Variants in TACC1 observed in about 807,000 individuals in gnomAD.
The protein encoded by TACC1 is transforming acidic coiled-coil-containing protein 1.
TACC1 carries 48 observed loss-of-function variants against 84.4 expected under a neutral mutation model. That is an observed-to-expected ratio of 0.57 (90% CI 0.45 to 0.72). The LOEUF is 0.72. Among genes scored for constraint, TACC1 ranks in the 30% least tolerant of loss-of-function variants. The pLI, the probability that TACC1 is intolerant of heterozygous loss-of-function variation, is 0.00. For synonymous variants in TACC1, 372 were observed against 376.3 expected, an observed-to-expected ratio of 0.99 and a Z score of 0.13; for missense variants, 920 against 973.0, an observed-to-expected ratio of 0.95 and a Z score of 0.72.
intron 2 of TACC1, among the ~76,000 whole-genome samples, chr8:38,799,366 GC>G (rs1279184983): frequency 1.3e-5 from 2 of 152,246 alleles, no homozygotes; most frequent in South Asian, 2.1e-4. Context: ...CACTGATTGA[GC>G]ATCAGCTCTG....
At chr8:38,746,187 A>T (rs1808058106) in intron 3 of TACC1, among the ~76,000 whole-genome samples, 1 of 152,192 alleles carries the variant, frequency 6.6e-6, no homozygotes, top group African/African-American at 2.4e-5. Flanking sequence ...GATGAAGTTT[A>T]AAAATTAAGA....
In TACC1 at chr8:38,738,678, T is replaced by TA. The variant is rs536739035; in HGVS notation, c.-674-3671dup. Among the ~76,000 whole-genome samples, 91 of 152,094 alleles carry TA rather than the reference T, an allele frequency of 6.0e-4. 2 individuals carry two copies. In the South Asian group the frequency reaches 0.018, roughly 30 times the overall value. ...GTGTTTTGAGCACTTTTTTTTTTTTTAACCTTCTGGTTCTACAAGATACTC... is the reference window on the plus strand; with the variant it reads ...GTGTTTTGAGCACTTTTTTTTTTTTTAAACCTTCTGGTTCTACAAGATACTC... On this transcript the variant is annotated intron_variant, in intron 1 of 14. Coordinates refer to the TACC1 transcript ENST00000518415.
At chr8:38,758,788 A>G (rs375810705) in intron 3 of TACC1, among the ~76,000 whole-genome samples, 33 of 151,480 alleles carry the variant, frequency 2.2e-4, no homozygotes, top group African/African-American at 7.3e-4. Flanking sequence ...CCATTGAATT[A>G]CTATAGTTCT....
intron 1 of TACC1, among the ~76,000 whole-genome samples, chr8:38,732,105 C>CT (rs999985748): frequency 2.7e-4 from 41 of 149,376 alleles, no homozygotes; most frequent in African/African-American, 9.6e-4. Flanking sequence ...GAGCGAGACT[C>CT]TGTCTCAAAA....
At chr8:38,791,820 G>A (rs1343917969) in intron 2 of TACC1, among the ~76,000 whole-genome samples, 1 of 152,122 alleles carries the variant, frequency 6.6e-6, no homozygotes, top group Admixed American at 6.5e-5. Flanking sequence ...TGGCTTCCTG[G>A]TACATAATGG....
Position 38,790,005 on chromosome 8 carries a change from A to G in TACC1, c.277+1186A>G, listed in dbSNP as rs984419243. Among the ~76,000 whole-genome samples, 8 of 152,252 alleles carry G rather than the reference A, an allele frequency of 5.3e-5. 1 individual carries two copies. The highest frequency in any genetic ancestry group is 8.8e-5 in the Non-Finnish European group (6 of 68,046). ...TAACAGAGTAACTTAGCGGCTTACA[A>G]TAACAGAAATTATTCTCTCACAGTC... On this transcript the variant is annotated intron_variant, in intron 2 of 12. Transcript: ENST00000317827.
intron 2 of TACC1, among the ~76,000 whole-genome samples, chr8:38,807,434 C>T (rs1045581023): frequency 3.3e-5 from 5 of 152,122 alleles, no homozygotes; most frequent in South Asian, 2.1e-4. Flanking sequence ...TCTAGAAACC[C>T]GTAAAAAGGG....
At chr8:38,829,396 T>C (rs990714683) in intron 5 of TACC1, among the ~76,000 whole-genome samples, 1 of 152,156 alleles carries the variant, frequency 6.6e-6, no homozygotes, top group African/African-American at 2.4e-5. Flanking sequence ...TGTTCACCAT[T>C]CCCCCAGTTT....
intron 3 of TACC1, among the ~76,000 whole-genome samples, chr8:38,746,747 A>G (rs1419865459): frequency 6.6e-6 from 1 of 152,224 alleles, no homozygotes; most frequent in Non-Finnish European, 1.5e-5. Flanking sequence ...TCAACTGTAA[A>G]TGGGCCATGA....
rs745378261 is a variant in TACC1 at position 38,838,452 on chromosome 8, A to G, written c.1840-18A>G. ...AATTGTAATAGATTGGGTAAAACTAAGCTTTATTGTACTCTAGATAATTAC... is the reference window on the plus strand; with the variant it reads ...AATTGTAATAGATTGGGTAAAACTAGGCTTTATTGTACTCTAGATAATTAC... On this transcript the variant is annotated intron_variant, in intron 7 of 12. Transcript: ENST00000317827. 2.5e-6 allele frequency: 4 copies of G among 1,591,944 alleles called. No individual in the cohort carries two copies. The highest frequency in any genetic ancestry group is 3.4e-6 in the Non-Finnish European group (4 of 1,160,452).
chr8:38,760,802 G>A (rs191168973), intron 3 of TACC1, among the ~76,000 whole-genome samples: 58 of 152,284 alleles, frequency 3.8e-4, no homozygotes, highest in Admixed American at 3.2e-3. Context: ...GATTACAGGC[G>A]TGAGCCACTG....
chr8:38,836,258 A>T lies in TACC1; in HGVS notation c.1810A>T (p.Thr604Ser), dbSNP rs773844717. The T allele has an allele frequency of 1.2e-6, 2 of 1,611,830 alleles. No homozygotes were observed. The highest frequency in any genetic ancestry group is 2.2e-5 in the South Asian group (2 of 91,080). The change falls in exon 7 of 13, where the codon ACA becomes TCA. Residue 604 changes from threonine (T) to serine (S), a missense_variant. Thr to Ser is a moderately conservative substitution (Grantham distance 58, BLOSUM62 1). This residue lies in a region of TACC1 where 762 missense variants were observed against 747.3 expected (regional missense o/e 1.02). Transcript: ENST00000317827. The part of the protein sequence containing the change: ...DGICLSESDK[T>S]AVLTLIREEI... ...GATCTGCCTCAGCGAATCAGACAAG[A>T]CAGCCGTGCTCACCTTAATAAGAGA... is the stretch of plus-strand genomic sequence containing the variant.
At chr8:38,781,556 T>C (rs572365151) in intron 3 of TACC1, among the ~76,000 whole-genome samples, 2 of 152,196 alleles carry the variant, frequency 1.3e-5, no homozygotes, top group South Asian at 2.1e-4. Context: ...AATTTTTGTA[T>C]CTTTAGTAGA....
chr8:38,821,858 C>G (rs908257203), intron 3 of TACC1, among the ~76,000 whole-genome samples: 1 of 152,106 alleles, frequency 6.6e-6, no homozygotes, highest in Admixed American at 6.6e-5. Flanking sequence ...GTGGTGAAAC[C>G]TACTACACAC....
At position 38,821,908 on chromosome 8, in the gene TACC1, C is replaced by T. The variant is rs187232559; in HGVS notation, c.1391+1273C>T. ...ACAGCCTGTTACTCCTAGGCTACAA[C>T]CCTGTACAGCACATTATTGTACTGA... On this transcript the variant is annotated intron_variant, in intron 3 of 12. Coordinates refer to ENST00000317827, the MANE Select transcript of TACC1 (RefSeq NM_006283.3). Among the ~76,000 whole-genome samples, 19 of 152,204 alleles carry T rather than the reference C, an allele frequency of 1.2e-4. No homozygotes were observed. In the East Asian group the frequency reaches 3.7e-3, roughly 29 times the overall value.
At chr8:38,747,054 T>C (rs1456194403) in intron 3 of TACC1, among the ~76,000 whole-genome samples, 1 of 152,194 alleles carries the variant, frequency 6.6e-6, no homozygotes, top group Non-Finnish European at 1.5e-5. Context: ...AAAACAATTA[T>C]AACATCTCAC....
chr8:38,785,586 G>C (rs564016878), upstream of TACC1: 131 of 585,462 alleles, frequency 2.2e-4, no homozygotes, highest in Middle Eastern at 8.5e-4. Flanking sequence ...GGGATGCAAA[G>C]GAATGAAAAG....
chr8:38,757,209 G>GGCCCCCCCCCCCCC, intron 3 of TACC1: 1 of 262,220 alleles, frequency 3.8e-6, no homozygotes, highest in South Asian at 2.9e-5. Context: ...ACGGCCGGGC[G>GGCCCCCCCCCCCCC]CCCCACCCCG....
At chr8:38,762,482 G>T (rs76102653) in intron 3 of TACC1, among the ~76,000 whole-genome samples, 1,532 of 151,936 alleles carry the variant, frequency 0.01, 21 homozygotes, top group African/African-American at 0.035. Flanking sequence ...GTATTCCATT[G>T]TGTATATATA....
Sources: allele counts gnomAD v4.1 joint callset (sites outside exome capture counted in the v4.1 genomes callset), GRCh38; gene constraint gnomAD v4.1.1; regional missense constraint gnomAD v4.1.1; transcripts MANE v1.5; gene names NCBI Gene and HGNC (gene_info 2026-07-23, HGNC 2026-07-21).